Variants in NUCB1 observed in about 807,000 individuals in gnomAD.
NUCB1 encodes the protein nucleobindin 1, also known as nucleobindin-1.
Under a neutral mutation model 61.2 loss-of-function variants are expected in NUCB1, and 47 were observed. The ratio of observed to expected loss-of-function variants is 0.77; its 90% CI spans 0.61 to 0.98. NUCB1 has a LOEUF of 0.98. Among genes scored for constraint, NUCB1 ranks in the 50% least tolerant of loss-of-function variants. The pLI is 0.00. For missense variants in NUCB1, 583 were observed against 605.3 expected (o/e 0.96, Z 0.39); for synonymous variants, 234 against 243.1 (o/e 0.96, Z 0.35).
chr19:48,908,723 T>TGGGTGG (rs371903120), intron 4 of NUCB1, among the ~76,000 whole-genome samples: 11 of 68,484 alleles, frequency 1.6e-4, no homozygotes, highest in African/African-American at 3.2e-4. Context: ...GACCAAGGGG[T>TGGGTGG]GTGTGTGTGT....
At chr19:48,904,008 G>A (rs1256110791) in intron 2 of NUCB1, among the ~76,000 whole-genome samples, 1 of 137,892 alleles carries the variant, frequency 7.3e-6, no homozygotes, top group Non-Finnish European at 1.5e-5. Context: ...TGGGTAGGAT[G>A]TATGTATGGA....
intron 2 of NUCB1, among the ~76,000 whole-genome samples, chr19:48,901,489 C>T (rs981993120): frequency 6.6e-6 from 1 of 152,190 alleles, no homozygotes; most frequent in African/African-American, 2.4e-5. Context: ...TCAGGCCAGG[C>T]GCAGTGGCTC....
At position 48,912,970 on chromosome 19, in the gene NUCB1, G is replaced by T. The variant is rs1168078715; in HGVS notation, c.481-41G>T. ...TTTACAGGCTGGAATTGGGGGCTGGGCAGAGGGGGCAGAGGGGAATGACCC... is the reference window on the plus strand; with the variant it reads ...TTTACAGGCTGGAATTGGGGGCTGGTCAGAGGGGGCAGAGGGGAATGACCC... On this transcript the variant is annotated intron_variant, in intron 5 of 12. Coordinates refer to ENST00000405315, the MANE Select transcript of NUCB1 (RefSeq NM_006184.6). 7 of 1,505,486 alleles carry T rather than the reference G, an allele frequency of 4.6e-6. No homozygotes were observed. The East Asian group carries it at 1.2e-4, about 25-fold the overall frequency. The allele number at this position is 1,505,486 out of a possible 1,614,324, so 93.3% of individuals were successfully genotyped here. A position where few individuals can be genotyped will look rare whatever the true frequency, so the allele number is the denominator to read the frequency against.
chr19:48,908,121 C>G (rs2037431639), intron 4 of NUCB1, among the ~76,000 whole-genome samples: 1 of 152,104 alleles, frequency 6.6e-6, no homozygotes, highest in African/African-American at 2.4e-5. Context: ...CTCCAAGAGG[C>G]AGAACTCTTT....
chr19:48,921,170 C>G lies in NUCB1; in HGVS notation c.1019C>G (p.Pro340Arg). 2 of 1,610,952 alleles carry G rather than the reference C, an allele frequency of 1.2e-6. No individual in the cohort carries two copies. Among genetic ancestry groups the G allele is most frequent in the Middle Eastern group, 1.7e-4 (1 of 6,036 alleles). Residue 340 changes from proline to arginine, a missense_variant, in exon 11 of 13, where the codon CCT (proline) becomes CGT (arginine). Coordinates refer to ENST00000405315, the MANE Select transcript of NUCB1 (RefSeq NM_006184.6). ...GCCCTGCAGACAGTGGAGATGCACC[C>G]TGCCTACACCGAGGAAGAGCTGAGG... Reference protein sequence around the residue: ...GEGWETVEMHPAYTEEELRRF... With the variant: ...GEGWETVEMHRAYTEEELRRF...
At chr19:48,907,745 C>T (rs774529919) in intron 4 of NUCB1, among the ~76,000 whole-genome samples, 1 of 152,204 alleles carries the variant, frequency 6.6e-6, no homozygotes, top group Admixed American at 6.5e-5. Context: ...AGCCTGCCCC[C>T]GGCACCCCAG....
chr19:48,906,828 C>G lies in NUCB1; in HGVS notation c.376+943C>G, dbSNP rs551655708. On this transcript the variant is annotated intron_variant, in intron 4 of 12. Transcript: ENST00000405315. ...TGGCTTCTCTAGTTAACATTTGCTC[C>G]ATTTGCTTTGTCACTCACGTTTGGG... Among the ~76,000 whole-genome samples, 9 of 152,274 alleles carry G rather than the reference C, an allele frequency of 5.9e-5. No individual in the cohort carries two copies. The South Asian group carries it at 1.9e-3, about 32-fold the overall frequency.
At chr19:48,900,710 C>T in intron 1 of NUCB1, 76 bp from the exon 2 acceptor site, 2 of 1,536,600 alleles carry the variant, frequency 1.3e-6, no homozygotes, top group East Asian at 2.3e-5. Context: ...GCGCTGGGGG[C>T]CCGAACTCCT....
chr19:48,908,193 C>T (rs553213727), intron 4 of NUCB1, among the ~76,000 whole-genome samples: 6 of 152,222 alleles, frequency 3.9e-5, no homozygotes, highest in African/African-American at 7.2e-5. Context: ...TGCAGTGGCG[C>T]GATCTCGGCT....
rs941389985 is a variant in NUCB1 at position 48,911,268 on chromosome 19, C to T, written c.480+16C>T. ...GATCCAGACGGTAATGGGAGTGGGT[C>T]CGGAGGCAGAGGATTGAGGGTAGCT... On this transcript the variant is annotated intron_variant, in intron 5 of 12. Transcript: ENST00000405315. The T allele has an allele frequency of 3.8e-6, 6 of 1,583,230 alleles. No individual in the cohort carries two copies. The highest frequency in any genetic ancestry group is 4.5e-5 in the East Asian group (2 of 44,704).
At chr19:48,917,068 C>A (rs1338149809) in intron 7 of NUCB1, among the ~76,000 whole-genome samples, 1 of 151,588 alleles carries the variant, frequency 6.6e-6, no homozygotes, top group African/African-American at 2.4e-5. Flanking sequence ...AAAACAAATA[C>A]AAAAATTAGC....
chr19:48,913,374 A>T, intron 6 of NUCB1, 100 bp from the exon 7 acceptor site: 1 of 1,260,198 alleles, frequency 7.9e-7, no homozygotes, highest in Non-Finnish European at 1.1e-6. Context: ...TTCTTGCTTG[A>T]GGGAGATGAT....
At chr19:48,905,511 C>T (rs1392089253) in intron 3 of NUCB1, among the ~76,000 whole-genome samples, 2 of 152,130 alleles carry the variant, frequency 1.3e-5, no homozygotes, top group African/African-American at 4.8e-5. Context: ...CGTGACCCAC[C>T]GCACCTGGCC....
rs573958031 is a variant in NUCB1 at position 48,901,550 on chromosome 19, G to A, written c.135+619G>A. 1.3e-4 allele frequency among the ~76,000 whole-genome samples: 20 copies of A among 152,298 alleles called. 1 individual carries two copies. Among genetic ancestry groups the A allele is most frequent in the Non-Finnish European group, 2.4e-4 (16 of 68,022 alleles). On this transcript the variant is annotated intron_variant, in intron 2 of 12. Transcript: ENST00000405315. ...AGGCCGAGACAGGCGGATCACTTGA[G>A]GTCAGGAGTTCAAGACCAGCCTGGC...
intron 7 of NUCB1, among the ~76,000 whole-genome samples, chr19:48,916,399 C>G (rs2037540446): frequency 6.6e-6 from 1 of 151,610 alleles, no homozygotes; most frequent in African/African-American, 2.4e-5. Flanking sequence ...GGGTGGATCC[C>G]TTGAGTCCAG....
intron 7 of NUCB1, among the ~76,000 whole-genome samples, chr19:48,917,441 A>G (rs572611131): frequency 1.3e-5 from 2 of 151,822 alleles, no homozygotes; most frequent in Non-Finnish European, 2.9e-5. Flanking sequence ...CTTCCACCTC[A>G]ACCCTTAGAG....
intron 11 of NUCB1, 67 bp from the exon 12 acceptor site, chr19:48,921,760 T>A: frequency 6.7e-7 from 1 of 1,481,540 alleles, no homozygotes; most frequent in South Asian, 1.1e-5. Flanking sequence ...GTTTGGGGAC[T>A]GAGGCCTGAG....
chr19:48,904,231 G>A (rs2037387801), intron 2 of NUCB1, 116 bp from the exon 3 acceptor site: 2 of 632,152 alleles, frequency 3.2e-6, no homozygotes, highest in East Asian at 2.7e-5. Context: ...TGTGGGAAAA[G>A]GTAAAAACTG....
chr19:48,900,668 T>C (rs45476398), intron 1 of NUCB1, 118 bp from the exon 2 acceptor site: 30,280 of 1,348,896 alleles, frequency 0.022, 394 homozygotes, highest in Non-Finnish European at 0.026. Context: ...GGTAACAAAA[T>C]GCTTGTGTCT....
Sources: gnomAD v4.1 joint callset for allele counts (sites outside exome capture counted in the v4.1 genomes callset) on GRCh38, gnomAD v4.1.1 for gene constraint, MANE v1.5 for transcripts, NCBI Gene and HGNC (gene_info 2026-07-23, HGNC 2026-07-21) for gene names.